PLXNA4: variants seen among roughly 807,000 people sequenced by gnomAD.
PLXNA4 encodes plexin-A4.
In PLXNA4, 44 loss-of-function variants were observed where a neutral mutation model predicts 191.8. The ratio of observed to expected loss-of-function variants is 0.23; its 90% CI spans 0.18 to 0.29. PLXNA4 has a LOEUF of 0.29. Among genes scored for constraint, PLXNA4 ranks in the 10% least tolerant of loss-of-function variants. PLXNA4 has a pLI of 1.00. For synonymous variants in PLXNA4, 1,082 were observed against 1,009.5 expected (o/e 1.07, Z -1.36); for missense variants, 1,800 against 2,488.8 (o/e 0.72, Z 5.89).
chr7:132,272,056 G>A (rs1442536458), intron 4 of PLXNA4, among the ~76,000 whole-genome samples: 1 of 152,170 alleles, frequency 6.6e-6, no homozygotes, highest in Admixed American at 6.5e-5. Flanking sequence ...GTTACCAGGA[G>A]GAGAAACACA....
chr7:132,262,007 G>A (rs868741021), intron 4 of PLXNA4, among the ~76,000 whole-genome samples: 3 of 152,128 alleles, frequency 2.0e-5, no homozygotes, highest in East Asian at 1.9e-4. Flanking sequence ...CAGGGCTGCC[G>A]TTTTCTCAGC....
chr7:132,191,772 A>ATCTCTCTCTC (rs145828587), intron 14 of PLXNA4, among the ~76,000 whole-genome samples: 28,854 of 142,450 alleles, frequency 0.2, 3,224 homozygotes, highest in Middle Eastern at 0.31. Context: ...TCCTCTCTCC[A>ATCTCTCTCTC]TCTCTCTCTC....
chr7:132,521,586 C>T lies in PLXNA4; in HGVS notation c.-86-12807G>A, dbSNP rs545577424. ...GATTCCAAATTAACTAACACATCCT[C>T]ATCTCCCAGCTCTTTTTCCCCTGAC... On this transcript the variant is annotated intron_variant, in intron 1 of 31. Transcript: ENST00000321063. Among the ~76,000 whole-genome samples, 5 of 152,308 alleles carry T rather than the reference C, an allele frequency of 3.3e-5. No individual in the cohort carries two copies. In the South Asian group the frequency reaches 1.0e-3, roughly 32 times the overall value.
At chr7:132,618,367 G>A (rs1803195190) in intron 2 of PLXNA4, among the ~76,000 whole-genome samples, 1 of 152,058 alleles carries the variant, frequency 6.6e-6, no homozygotes. Context: ...GTCCCATTAG[G>A]GGAAGCTTCA....
chr7:132,563,204 TC>T, intron 1 of PLXNA4, among the ~76,000 whole-genome samples: 1 of 89,698 alleles, frequency 1.1e-5, no homozygotes, highest in African/African-American at 4.8e-5. Context: ...CTCCTCTTCC[TC>T]CTCCTCCTCC....
Position 132,427,795 on chromosome 7 carries a change from T to C in PLXNA4, c.1371+61497A>G, listed in dbSNP as rs61200215. Among the ~76,000 whole-genome samples the C allele has an allele frequency of 5.5e-3, 839 of 152,334 alleles. 15 individuals are homozygous for C. The highest frequency in any genetic ancestry group is 0.019 in the African/African-American group (798 of 41,578). On this transcript the variant is annotated intron_variant, in intron 3 of 31. Transcript: ENST00000321063. ...AACCCATCATGCACTACGTGCTTCA[T>C]ACATGCTTGCAGAATCCAATGTGAT... is the stretch of plus-strand genomic sequence containing the variant.
intron 2 of PLXNA4, among the ~76,000 whole-genome samples, chr7:132,636,957 A>G (rs555081763): frequency 5.9e-5 from 9 of 152,240 alleles, no homozygotes; most frequent in Admixed American, 2.0e-4. Flanking sequence ...AGCTCCCCCA[A>G]TATGCACGTC....
intron 12 of PLXNA4, among the ~76,000 whole-genome samples, chr7:132,201,884 A>T (rs555931608): frequency 4.3e-4 from 66 of 152,238 alleles, no homozygotes; most frequent in African/African-American, 1.5e-3. Context: ...GGCTGGTGAG[A>T]TCCCCATGAG....
chr7:132,192,126 C>T (rs1332323225), intron 14 of PLXNA4, among the ~76,000 whole-genome samples: 3 of 152,158 alleles, frequency 2.0e-5, no homozygotes, highest in Non-Finnish European at 4.4e-5. Context: ...CAGGCCCAGT[C>T]ATGGTGTGGC....
At chr7:132,364,688 T>C (rs772587814) in intron 3 of PLXNA4, among the ~76,000 whole-genome samples, 32 of 152,200 alleles carry the variant, frequency 2.1e-4, no homozygotes, top group South Asian at 2.1e-3. Flanking sequence ...ACCCATTCCG[T>C]GGTCTTGCTC....
chr7:132,512,137 G>A (rs767414065), intron 1 of PLXNA4, among the ~76,000 whole-genome samples: 32 of 152,368 alleles, frequency 2.1e-4, no homozygotes, highest in Non-Finnish European at 4.0e-4. Flanking sequence ...TTCCAGCAGG[G>A]CTGATAATCC....
At chr7:132,487,200 A>T (rs1797594718) in intron 3 of PLXNA4, among the ~76,000 whole-genome samples, 1 of 152,060 alleles carries the variant, frequency 6.6e-6, no homozygotes, top group African/African-American at 2.4e-5. Flanking sequence ...CACACACACA[A>T]ATCCTCATCC....
At chr7:132,595,403 C>T (rs1465592846) in intron 2 of PLXNA4, among the ~76,000 whole-genome samples, 2 of 152,114 alleles carry the variant, frequency 1.3e-5, no homozygotes, top group Non-Finnish European at 2.9e-5. Context: ...AGACTGGCTG[C>T]CTGACTATTC....
At chr7:132,621,449 C>T (rs1407514082) in intron 2 of PLXNA4, among the ~76,000 whole-genome samples, 6 of 151,884 alleles carry the variant, frequency 4.0e-5, no homozygotes, top group Non-Finnish European at 5.9e-5. Flanking sequence ...TTAACAGAGA[C>T]GGGGTTTCAC....
At chr7:132,153,092 GC>G (rs1795693175) in intron 25 of PLXNA4, among the ~76,000 whole-genome samples, 1 of 152,190 alleles carries the variant, frequency 6.6e-6, no homozygotes, top group African/African-American at 2.4e-5. Context: ...GCTGGTCAGG[GC>G]AGGGGTGAGA....
intron 4 of PLXNA4, among the ~76,000 whole-genome samples, chr7:132,280,434 A>C (rs7783394): frequency 6.6e-6 from 1 of 152,254 alleles, no homozygotes; most frequent in South Asian, 2.1e-4. Context: ...CATATCCGTG[A>C]AAACTGCTCT....
At chr7:132,288,019 C>A (rs1800748727) in intron 4 of PLXNA4, among the ~76,000 whole-genome samples, 1 of 152,174 alleles carries the variant, frequency 6.6e-6, no homozygotes, top group African/African-American at 2.4e-5. Flanking sequence ...ACTGGAAAGT[C>A]AAGATGATGG....
chr7:132,580,059 C>T (rs1367399544), upstream of PLXNA4, among the ~76,000 whole-genome samples: 4 of 152,130 alleles, frequency 2.6e-5, no homozygotes, highest in Admixed American at 6.5e-5. Context: ...TACCTCATCT[C>T]TCACCTGACA....
chr7:132,576,044 T>G lies in PLXNA4; in HGVS notation c.-87+378A>C, dbSNP rs1408244442. On this transcript the variant is annotated intron_variant, in intron 1 of 31. Transcript: ENST00000321063. The surrounding 1 kb of genome is among the most constrained non-coding windows in gnomAD (Gnocchi z 5.8). ...GACTTCTCCCATTTTAAAGCCCAGC[T>G]AGGGACGAAAGGGGCTGGGAGCTGA... is the stretch of plus-strand genomic sequence containing the variant. 6.6e-6 allele frequency among the ~76,000 whole-genome samples: 1 copy of G among 152,080 alleles called. No individual in the cohort carries two copies. Among genetic ancestry groups the G allele is most frequent in the Non-Finnish European group, 1.5e-5 (1 of 68,004 alleles).
Sources: gnomAD v4.1 joint callset for allele counts (sites outside exome capture counted in the v4.1 genomes callset) on GRCh38, gnomAD v4.1.1 for gene constraint, Gnocchi (gnomAD v3.1) non-coding constraint, MANE v1.5 for transcripts, NCBI Gene and HGNC (gene_info 2026-07-23, HGNC 2026-07-21) for gene names.